The following GRM8 variants were observed in gnomAD, a reference collection of about 807,000 sequenced individuals.
GRM8 encodes glutamate metabotropic receptor 8, also known as metabotropic glutamate receptor 8.
A neutral mutation model predicts 87.2 loss-of-function variants in GRM8; 47 were observed. The observed-to-expected ratio is 0.54, with a 90% CI of 0.43 to 0.69. The LOEUF (loss-of-function observed/expected upper bound fraction) is 0.69, where lower values mean the gene tolerates loss of function less well. GRM8 is among the 30% of genes least tolerant of loss of function. The pLI is 0.00. For missense variants in GRM8, 1,019 were observed against 1,139.2 expected (o/e 0.89, Z 1.52); for synonymous variants, 396 against 404.5 (o/e 0.98, Z 0.25).
intron 2 of GRM8, among the ~76,000 whole-genome samples, chr7:127,218,479 T>C (rs916762284): frequency 6.6e-6 from 1 of 152,216 alleles, no homozygotes; most frequent in Non-Finnish European, 1.5e-5. Flanking sequence ...TTATTTTGCC[T>C]CCTTCAGCCT....
At chr7:126,642,602 T>C (rs1802525212) in intron 7 of GRM8, among the ~76,000 whole-genome samples, 1 of 151,934 alleles carries the variant, frequency 6.6e-6, no homozygotes, top group Admixed American at 6.6e-5. Context: ...ATCATGCCAC[T>C]GCCCTCCAGC....
intron 9 of GRM8, among the ~76,000 whole-genome samples, chr7:126,486,770 A>G (rs1462379728): frequency 2.0e-5 from 3 of 152,124 alleles, no homozygotes; most frequent in Non-Finnish European, 4.4e-5. Flanking sequence ...TTAACAAGGA[A>G]TACATTTTAT....
At chr7:126,663,464 TC>T (rs1805423092) in intron 7 of GRM8, among the ~76,000 whole-genome samples, 1 of 152,252 alleles carries the variant, frequency 6.6e-6, no homozygotes, top group East Asian at 1.9e-4. Flanking sequence ...AGGCTTCATT[TC>T]CAAGATGCAA....
intron 3 of GRM8, among the ~76,000 whole-genome samples, chr7:127,079,063 T>C (rs754951589): frequency 8.5e-5 from 13 of 152,228 alleles, no homozygotes; most frequent in African/African-American, 1.2e-4. Flanking sequence ...ATAAGCATAA[T>C]TGAAGTATTA....
intron 9 of GRM8, among the ~76,000 whole-genome samples, chr7:126,498,705 C>T (rs17607415): frequency 0.32 from 48,905 of 151,798 alleles, 8,263 homozygotes; most frequent in South Asian, 0.41. Flanking sequence ...TTCCACCTTA[C>T]TTCTGCCCTG....
intron 8 of GRM8, among the ~76,000 whole-genome samples, chr7:126,564,120 G>T (rs764677184): frequency 1.6e-4 from 25 of 152,340 alleles, no homozygotes; most frequent in Admixed American, 3.3e-4. Context: ...AGAAATGAAA[G>T]TCAGATGATG....
chr7:126,615,168 C>A (rs184148107), intron 7 of GRM8, among the ~76,000 whole-genome samples: 103 of 152,290 alleles, frequency 6.8e-4, no homozygotes, highest in African/African-American at 2.4e-3. Flanking sequence ...AGACTAATAG[C>A]AGATCTCTCG....
In GRM8 at chr7:126,532,958, T is replaced by C; in HGVS notation, c.2424A>G (p.Ala808=). ...IPIFFGTAQS[A]EKMYIQTTTL... ...TGTATTTCCTTCTACTTACCTTTTC[T>C]GCTGACTGGGCTGTACCAAAAAAGA... Residue 808 remains alanine, a synonymous_variant, in exon 9 of 11, where the codon GCA becomes GCG. Transcript: ENST00000339582. The C allele has an allele frequency of 1.9e-6, 3 of 1,599,658 alleles. No homozygotes were observed. The highest frequency in any genetic ancestry group is 1.7e-6 in the Non-Finnish European group (2 of 1,171,506).
intron 6 of GRM8, among the ~76,000 whole-genome samples, chr7:126,781,612 T>C (rs1254371005): frequency 6.6e-6 from 1 of 152,228 alleles, no homozygotes; most frequent in Non-Finnish European, 1.5e-5. Context: ...AACAATGAAG[T>C]ATTATCACGG....
At chr7:126,769,784 C>A (rs954739966) in intron 7 of GRM8, 81 bp downstream of exon 7, 15 of 868,420 alleles carry the variant, frequency 1.7e-5, no homozygotes, top group Middle Eastern at 2.3e-4. Flanking sequence ...TTCCACTCTG[C>A]CTGGGTATCT....
At chr7:126,576,214 A>G (rs982244217) in intron 8 of GRM8, among the ~76,000 whole-genome samples, 1 of 152,192 alleles carries the variant, frequency 6.6e-6, no homozygotes, top group African/African-American at 2.4e-5. Flanking sequence ...TGGCAAAAGA[A>G]GACTCAATTC....
At chr7:127,136,640 A>G (rs1192145976) in intron 2 of GRM8, among the ~76,000 whole-genome samples, 5 of 151,960 alleles carry the variant, frequency 3.3e-5, no homozygotes, top group Admixed American at 3.3e-4. Context: ...CACTGGAAAA[A>G]CATGTCAGCA....
At chr7:126,579,331 C>A (rs531728316) in intron 8 of GRM8, among the ~76,000 whole-genome samples, 9 of 152,224 alleles carry the variant, frequency 5.9e-5, no homozygotes, top group African/African-American at 1.9e-4. Flanking sequence ...TAAATAATAA[C>A]CAACAATTCT....
At chr7:126,985,481 T>C (rs925871876) in intron 3 of GRM8, among the ~76,000 whole-genome samples, 1 of 152,236 alleles carries the variant, frequency 6.6e-6, no homozygotes, top group Non-Finnish European at 1.5e-5. Context: ...AGTTTATTAG[T>C]AACTATCTGA....
rs545447526 is a variant in GRM8, at chr7:127,225,740, A to G, written c.510+16955T>C. ...ATAATAGGCATTTTCTGACTTAGAA[A>G]TACTAAGACAAAACAGATACTAAGT... On this transcript the variant is annotated intron_variant, in intron 2 of 10. Coordinates refer to ENST00000339582, the MANE Select transcript of GRM8 (RefSeq NM_000845.3). 1.1e-3 allele frequency among the ~76,000 whole-genome samples: 158 copies of G among 150,432 alleles called. 1 individual carries two copies. Among genetic ancestry groups the G allele is most frequent in the Non-Finnish European group, 2.0e-3 (137 of 67,690 alleles).
chr7:127,222,163 T>C (rs949529840), intron 2 of GRM8, among the ~76,000 whole-genome samples: 4 of 152,270 alleles, frequency 2.6e-5, no homozygotes, highest in East Asian at 1.9e-4. Context: ...CCCAGCACTT[T>C]GGGAGGCCAA....
chr7:126,979,886 A>C (rs955020669), intron 3 of GRM8, among the ~76,000 whole-genome samples: 1 of 152,232 alleles, frequency 6.6e-6, no homozygotes, highest in Non-Finnish European at 1.5e-5. Flanking sequence ...CACAGGTTAC[A>C]TCTGCCCAGA....
intron 6 of GRM8, among the ~76,000 whole-genome samples, chr7:126,887,149 A>T (rs1800574054): frequency 6.6e-6 from 1 of 152,138 alleles, no homozygotes; most frequent in South Asian, 2.1e-4. Flanking sequence ...TTCAAGAAGT[A>T]GAGTTAGAGA....
chr7:126,974,749 C>T (rs1310067380), intron 3 of GRM8, among the ~76,000 whole-genome samples: 2 of 151,764 alleles, frequency 1.3e-5, no homozygotes, highest in Non-Finnish European at 2.9e-5. Flanking sequence ...CTGGCTAACA[C>T]GGTGAAATCC....
Sources: allele counts gnomAD v4.1 joint callset (sites outside exome capture counted in the v4.1 genomes callset), GRCh38; gene constraint gnomAD v4.1.1; transcripts MANE v1.5; gene names NCBI Gene and HGNC (gene_info 2026-07-23, HGNC 2026-07-21).